The following UNC5A variants were observed in gnomAD, a reference collection of about 807,000 sequenced individuals.
UNC5A encodes netrin receptor UNC5A.
UNC5A carries 20 observed loss-of-function variants against 87.4 expected under a neutral mutation model. The observed-to-expected ratio is 0.23, with a 90% CI of 0.16 to 0.33. The LOEUF (loss-of-function observed/expected upper bound fraction) is 0.33, where lower values mean the gene tolerates loss of function less well. Among genes scored for constraint, UNC5A ranks in the 10% least tolerant of loss-of-function variants. The pLI, the probability that UNC5A is intolerant of heterozygous loss-of-function variation, is 1.00. For missense variants in UNC5A, 844 were observed against 1,133.4 expected (o/e 0.74, Z 3.67); for synonymous variants, 438 against 482.3 (o/e 0.91, Z 1.20).
At position 176,862,637 on chromosome 5, in the gene UNC5A, T is replaced by A. The variant is rs144966231; in HGVS notation, c.84T>A (p.Ser28Arg). 194 of 1,613,260 alleles carry A rather than the reference T, an allele frequency of 1.2e-4. No homozygotes were observed. In the African/African-American group the frequency reaches 2.4e-3, roughly 20 times the overall value. ...GCCCTGCCGCAGGTGCCCAGCAGAG[T>A]GCCACCGTGGCCAACCCAGTGCCTG... ...AWLRGSGAQQ[S>R]ATVANPVPGA... Residue 28 changes from serine (S) to arginine (R), a missense_variant, in exon 2 of 15, where the codon AGT (serine) becomes AGA (arginine). This residue lies in a region of UNC5A where 314 missense variants were observed against 466.5 expected (regional missense o/e 0.67). Transcript: ENST00000329542.
chr5:176,814,243 T>C (rs1032705178), intron 1 of UNC5A, among the ~76,000 whole-genome samples: 3 of 152,198 alleles, frequency 2.0e-5, no homozygotes, highest in African/African-American at 7.2e-5. Context: ...TCCCAGTGCC[T>C]GCAGGTCAAC....
At chr5:176,819,748 G>A (rs1376657342) in intron 1 of UNC5A, among the ~76,000 whole-genome samples, 1 of 152,200 alleles carries the variant, frequency 6.6e-6, no homozygotes, top group Non-Finnish European at 1.5e-5. Context: ...GATTAGGTTG[G>A]GCCGGAGCCA....
rs754422709 is a variant in UNC5A at position 176,877,899 on chromosome 5, G to T, written c.1641G>T (p.Val547=). ...KQSCEGSWED[V]LHLGEEAPSH... is the part of the protein sequence containing the mutation. ...CCACTGACCCCTGCCCACAGGATGT[G>T]CTGCACCTGGGCGAGGAGGCGCCCT... The change falls in exon 11 of 15, where the codon GTG becomes GTT. Residue 547 remains valine (V), a synonymous_variant. Transcript: ENST00000329542. 6.2e-7 allele frequency: 1 copy of T among 1,600,822 alleles called. No homozygotes were observed.
Position 176,879,705 on chromosome 5 carries a change from C to G in UNC5A, c.2364-16C>G. On this transcript the variant is annotated splice_polypyrimidine_tract_variant and intron_variant, in intron 14 of 14. Transcript: ENST00000329542. ...GGGCCAGGCCAGGCTGCTGACGGCC[C>G]CCCTCCCCTCCACAGCCATCTCAGC... The G allele has an allele frequency of 6.2e-7, 1 of 1,610,766 alleles. No homozygotes were observed. Among genetic ancestry groups the G allele is most frequent in the Non-Finnish European group, 8.5e-7 (1 of 1,178,826 alleles).
Position 176,865,703 on chromosome 5 carries a change from A to T in UNC5A, c.293-2427A>T, listed in dbSNP as rs936799041. 1 of 456,388 alleles carries T rather than the reference A, an allele frequency of 2.2e-6. No individual in the cohort carries two copies. 28.3% of individuals were successfully genotyped at this position (456,388 alleles called of 1,614,324 possible). The stretch of plus-strand genomic sequence containing the variant: ...AAAGACCAAAGACCCCAAACCAGAA[A>T]CGTTCTGTGGTCAGACAGGTATGGC... On this transcript the variant is annotated intron_variant, in intron 2 of 14. Coordinates refer to ENST00000329542, the MANE Select transcript of UNC5A (RefSeq NM_133369.3). This position sits in a 1 kb window ranked among gnomAD's most constrained non-coding sequence, Gnocchi z 5.3.
At chr5:176,827,834 A>G (rs1247895359) in intron 1 of UNC5A, among the ~76,000 whole-genome samples, 1 of 152,132 alleles carries the variant, frequency 6.6e-6, no homozygotes, top group East Asian at 1.9e-4. Context: ...TCTTGCAAAC[A>G]TTTTTCTCAT....
At chr5:176,813,012 G>A (rs899342410) in intron 1 of UNC5A, among the ~76,000 whole-genome samples, 1 of 152,190 alleles carries the variant, frequency 6.6e-6, no homozygotes. Flanking sequence ...AGGGGGCGCC[G>A]GGGGCCAGCG....
intron 6 of UNC5A, among the ~76,000 whole-genome samples, chr5:176,872,993 C>G (rs36177274): frequency 5.2e-5 from 1 of 19,386 alleles, no homozygotes. Flanking sequence ...CCCACACCTG[C>G]CCCAACACCA....
At chr5:176,840,936 A>G (rs757708978) in intron 1 of UNC5A, among the ~76,000 whole-genome samples, 1 of 152,190 alleles carries the variant, frequency 6.6e-6, no homozygotes, top group Non-Finnish European at 1.5e-5. Flanking sequence ...GGTGGCCTGG[A>G]TGGAGCTTCC....
intron 1 of UNC5A, 50 bp from the exon 2 acceptor site, chr5:176,862,574 C>T: frequency 6.4e-7 from 1 of 1,568,194 alleles, no homozygotes; most frequent in Non-Finnish European, 8.7e-7. Context: ...GCTGCCTCTA[C>T]CCTGCCCAGT....
At chr5:176,829,670 A>G (rs1173632773) in intron 1 of UNC5A, among the ~76,000 whole-genome samples, 1 of 152,166 alleles carries the variant, frequency 6.6e-6, no homozygotes, top group East Asian at 1.9e-4. Context: ...GGATGGATCA[A>G]TGGGAGGGAA....
At chr5:176,858,609 C>T (rs58391594) in intron 1 of UNC5A, among the ~76,000 whole-genome samples, 3,125 of 151,992 alleles carry the variant, frequency 0.021, 102 homozygotes, top group African/African-American at 0.071. Context: ...GCAAACTAGC[C>T]AGCTCTCAGG....
intron 1 of UNC5A, among the ~76,000 whole-genome samples, chr5:176,819,869 A>G (rs1476029221): frequency 2.0e-5 from 3 of 152,264 alleles, no homozygotes; most frequent in Non-Finnish European, 4.4e-5. Flanking sequence ...ACATTTTGCC[A>G]GGTATTAAAT....
In UNC5A at chr5:176,866,777, G is replaced by C. The variant is rs1757985204; in HGVS notation, c.293-1353G>C. On this transcript the variant is annotated intron_variant, in intron 2 of 14. Coordinates refer to ENST00000329542, the MANE Select transcript of UNC5A (RefSeq NM_133369.3). This position sits in a 1 kb window ranked among gnomAD's most constrained non-coding sequence, Gnocchi z 5.0. ...TGAGCCACCCCCTCGTTCTCAGCCT[G>C]CCCACCCCACCCCCTGAGAGTGTCC... is the stretch of plus-strand genomic sequence containing the variant. 6.6e-6 allele frequency among the ~76,000 whole-genome samples: 1 copy of C among 152,106 alleles called. No homozygotes were observed. Among genetic ancestry groups the C allele is most frequent in the Non-Finnish European group, 1.5e-5 (1 of 68,022 alleles).
At chr5:176,837,348 G>A (rs1757171609) in intron 1 of UNC5A, among the ~76,000 whole-genome samples, 1 of 152,218 alleles carries the variant, frequency 6.6e-6, no homozygotes, top group African/African-American at 2.4e-5. Context: ...CCTCTTGCCA[G>A]GCCCTCCAGT....
In UNC5A at chr5:176,838,074, A is replaced by G. The variant is rs1156841526; in HGVS notation, c.71-24550A>G. On this transcript the variant is annotated intron_variant, in intron 1 of 14. Coordinates refer to ENST00000329542, the MANE Select transcript of UNC5A (RefSeq NM_133369.3). The surrounding 1 kb of genome is among the most constrained non-coding windows in gnomAD (Gnocchi z 4.2). ...GGAGCCTCCATTCTTTGTGGTGGGG[A>G]CTCCCACCCCATAGGCTTCCGTTGA... Among the ~76,000 whole-genome samples the G allele has an allele frequency of 2.0e-5, 3 of 151,656 alleles. No individual in the cohort carries two copies. The highest frequency in any genetic ancestry group is 4.9e-5 in the African/African-American group (2 of 41,194).
In UNC5A at chr5:176,874,614, G is replaced by A. The variant is rs192183568; in HGVS notation, c.1378+48G>A. ...CTGAGAGCTCCACTTCCCTCCTGGA[G>A]GAGGACGGGACAGCCGGACGTTCCT... is the stretch of plus-strand genomic sequence containing the variant. On this transcript the variant is annotated intron_variant, in intron 8 of 14. Transcript: ENST00000329542. The surrounding 1 kb of genome is among the most constrained non-coding windows in gnomAD (Gnocchi z 7.6). 3.4e-6 allele frequency: 5 copies of A among 1,491,158 alleles called. No individual in the cohort carries two copies. The South Asian group carries it at 5.5e-5, about 17-fold the overall frequency. 92.4% of individuals were successfully genotyped at this position (1,491,158 alleles called of 1,614,324 possible).
chr5:176,879,259 C>G (rs1258308403), intron 13 of UNC5A, 51 bp from the exon 14 acceptor site: 1 of 1,523,274 alleles, frequency 6.6e-7, no homozygotes, highest in East Asian at 2.3e-5. Flanking sequence ...TGGCGGTGGA[C>G]CCGGGCCTGG....
At chr5:176,876,422 G>A (rs1758263146) in intron 8 of UNC5A, among the ~76,000 whole-genome samples, 1 of 152,144 alleles carries the variant, frequency 6.6e-6, no homozygotes, top group African/African-American at 2.4e-5. Context: ...TCCTGAGCTG[G>A]GAGCCCCTCC....
Sources: allele counts gnomAD v4.1 joint callset (sites outside exome capture counted in the v4.1 genomes callset), GRCh38; gene constraint gnomAD v4.1.1; regional missense constraint gnomAD v4.1.1; non-coding constraint Gnocchi (gnomAD v3.1); transcripts MANE v1.5; gene names NCBI Gene and HGNC (gene_info 2026-07-23, HGNC 2026-07-21).